Variants in LDLRAP1 observed in about 807,000 individuals in gnomAD.
LDLRAP1 encodes the protein low density lipoprotein receptor adaptor protein 1, also known as low density lipoprotein receptor adapter protein 1.
Under a neutral mutation model 37.8 loss-of-function variants are expected in LDLRAP1, and 30 were observed. The observed-to-expected ratio is 0.79, with a 90% CI of 0.59 to 1.08. LDLRAP1 has a LOEUF of 1.08. LDLRAP1 is among the 50% of genes least tolerant of loss of function. LDLRAP1 has a pLI of 0.00. For synonymous variants in LDLRAP1, 156 were observed against 169.8 expected, an observed-to-expected ratio of 0.92 and a Z score of 0.63; for missense variants, 375 against 401.6, an observed-to-expected ratio of 0.93 and a Z score of 0.57.
chr1:25,578,339 C>T, the LDLRAP1 span, among the ~76,000 whole-genome samples: 5 of 152,182 alleles, frequency 3.3e-5, no homozygotes, highest in Non-Finnish European at 7.3e-5. Flanking sequence ...AACTCCGGCA[C>T]GGCATTTGAG....
chr1:25,588,378 C>A, the LDLRAP1 span, among the ~76,000 whole-genome samples: 4 of 152,214 alleles, frequency 2.6e-5, no homozygotes, highest in African/African-American at 9.7e-5. Flanking sequence ...TGGAATGTCT[C>A]ATGTAAAACC....
At chr1:25,549,678 C>G (rs72873723) in intron 1 of LDLRAP1, among the ~76,000 whole-genome samples, 31,545 of 152,178 alleles carry the variant, frequency 0.21, 7,918 homozygotes, top group African/African-American at 0.6. Flanking sequence ...GCCCAGGGGC[C>G]TCTGGGAGCA....
At position 25,544,027 on chromosome 1, in the gene LDLRAP1, T is replaced by C. The variant is rs2043869765; in HGVS notation, c.88+241T>C. On this transcript the variant is annotated intron_variant, in intron 1 of 8. Transcript: ENST00000374338. This position sits in a 1 kb window ranked among gnomAD's most constrained non-coding sequence, Gnocchi z 4.8. ...GCAGCGCTGAGGAAGGAGCCCGAGC[T>C]CGGGGTCCTCAGGTGCAGCCGGCAT... Among the ~76,000 whole-genome samples the C allele has an allele frequency of 6.6e-6, 1 of 152,128 alleles. No individual in the cohort carries two copies. The highest frequency in any genetic ancestry group is 2.4e-5 in the African/African-American group (1 of 41,512).
the LDLRAP1 span, among the ~76,000 whole-genome samples, chr1:25,588,900 G>A: frequency 1.3e-5 from 2 of 152,298 alleles, no homozygotes; most frequent in East Asian, 3.9e-4. Context: ...CGCCTTGAGA[G>A]TGCCATTTCC....
At chr1:25,584,885 T>TG in the LDLRAP1 span, among the ~76,000 whole-genome samples, 1 of 152,214 alleles carries the variant, frequency 6.6e-6, no homozygotes, top group Admixed American at 6.5e-5. Context: ...TGCTATCCTG[T>TG]TCCACCTATA....
downstream of LDLRAP1, among the ~76,000 whole-genome samples, chr1:25,572,865 A>C (rs111587074): frequency 3.3e-5 from 5 of 152,306 alleles, no homozygotes; most frequent in African/African-American, 1.2e-4. Context: ...TGTCCCCCTC[A>C]AGGACGCTGA....
the LDLRAP1 span, chr1:25,590,220 A>G: frequency 6.6e-6 from 1 of 152,274 alleles, no homozygotes; most frequent in Non-Finnish European, 1.5e-5. Flanking sequence ...GGACTCAGGA[A>G]GAGTCTCGAA....
At chr1:25,552,152 G>GA (rs372999401) in intron 1 of LDLRAP1, among the ~76,000 whole-genome samples, 2 of 152,304 alleles carry the variant, frequency 1.3e-5, no homozygotes, top group African/African-American at 4.8e-5. Context: ...TAGGAGCTGA[G>GA]AGGGGCAGCA....
In LDLRAP1 at chr1:25,557,139, T is replaced by C. The variant is rs568643238; in HGVS notation, c.345-14T>C. 5.4e-5 allele frequency: 86 copies of C among 1,604,172 alleles called. 1 individual carries two copies. In the South Asian group the frequency reaches 8.8e-4, roughly 16 times the overall value. On this transcript the variant is annotated splice_polypyrimidine_tract_variant and intron_variant, in intron 3 of 8. Transcript: ENST00000374338. The stretch of plus-strand genomic sequence containing the variant: ...CTGTGCCAGGTCTGGTGATGCTTCC[T>C]CCTTGCCTTTCAGGATCTCCTATTG...
rs2043884428 is a variant in LDLRAP1 at position 25,544,538 on chromosome 1, C to T, written c.88+752C>T. Among the ~76,000 whole-genome samples, 1 of 152,194 alleles carries T rather than the reference C, an allele frequency of 6.6e-6. No individual in the cohort carries two copies. The highest frequency in any genetic ancestry group is 2.1e-4 in the South Asian group (1 of 4,830). On this transcript the variant is annotated intron_variant, in intron 1 of 8. Coordinates refer to ENST00000374338, the MANE Select transcript of LDLRAP1 (RefSeq NM_015627.3). The surrounding 1 kb of genome is among the most constrained non-coding windows in gnomAD (Gnocchi z 4.8). ...AGAGTCCCTTGGGTGCCCAGGCAAA[C>T]GACAGACTCGCCGCCACCTCTCCCT... is the stretch of plus-strand genomic sequence containing the variant.
intron 7 of LDLRAP1, chr1:25,564,645 C>G: frequency 6.3e-6 from 1 of 159,616 alleles, no homozygotes; most frequent in Admixed American, 5.9e-5. Context: ...CCCATCCTCA[C>G]CAGAAGGCCA....
At chr1:25,546,871 T>C in intron 1 of LDLRAP1, among the ~76,000 whole-genome samples, 1 of 152,204 alleles carries the variant, frequency 6.6e-6, no homozygotes, top group Admixed American at 6.5e-5. Context: ...AGTATTAGTA[T>C]ATTTTATGTG....
chr1:25,559,049 A>G (rs957029585), intron 4 of LDLRAP1, among the ~76,000 whole-genome samples: 5 of 152,102 alleles, frequency 3.3e-5, no homozygotes, highest in African/African-American at 1.2e-4. Flanking sequence ...GTTCTTTTGA[A>G]CACCTTGTTT....
downstream of LDLRAP1, among the ~76,000 whole-genome samples, chr1:25,573,414 G>A (rs998125849): frequency 1.3e-5 from 2 of 152,192 alleles, no homozygotes; most frequent in Admixed American, 6.5e-5. Context: ...GGGATCTGGC[G>A]GCTGCTGCTC....
the LDLRAP1 span, among the ~76,000 whole-genome samples, chr1:25,581,956 G>A: frequency 6.6e-6 from 1 of 152,180 alleles, no homozygotes; most frequent in African/African-American, 2.4e-5. Context: ...CTGGGCAACG[G>A]CCTCATCCCG....
At chr1:25,573,384 G>T (rs951168818), downstream of LDLRAP1, among the ~76,000 whole-genome samples, 2 of 152,212 alleles carry the variant, frequency 1.3e-5, no homozygotes, top group Non-Finnish European at 2.9e-5. Context: ...GAGGGTGCAG[G>T]TGGTCCCTGC....
At chr1:25,577,478 C>G in the LDLRAP1 span, among the ~76,000 whole-genome samples, 1 of 152,038 alleles carries the variant, frequency 6.6e-6, no homozygotes, top group South Asian at 2.1e-4. Flanking sequence ...AGGGAACAGA[C>G]GAGGAGCCAG....
intron 1 of LDLRAP1, among the ~76,000 whole-genome samples, chr1:25,545,976 T>C (rs35432405): frequency 0.21 from 32,293 of 152,170 alleles, 8,279 homozygotes; most frequent in African/African-American, 0.61. Flanking sequence ...AGTCATTGGC[T>C]CCAGACACAG....
intron 1 of LDLRAP1, among the ~76,000 whole-genome samples, chr1:25,551,879 C>T (rs2044079109): frequency 6.6e-6 from 1 of 152,164 alleles, no homozygotes; most frequent in East Asian, 1.9e-4. Context: ...GAGTATTGAG[C>T]GCTACCTGCA....
Sources: gnomAD v4.1 joint callset for allele counts (sites outside exome capture counted in the v4.1 genomes callset) on GRCh38, gnomAD v4.1.1 for gene constraint, Gnocchi (gnomAD v3.1) non-coding constraint, MANE v1.5 for transcripts, NCBI Gene and HGNC (gene_info 2026-07-23, HGNC 2026-07-21) for gene names.